Variants in HIVEP1 observed in about 807,000 individuals in gnomAD.
HIVEP1 encodes the protein HIVEP zinc finger 1.
A neutral mutation model predicts 180.0 loss-of-function variants in HIVEP1; 36 were observed. The observed-to-expected ratio is 0.20, with a 90% CI of 0.15 to 0.26. The LOEUF is 0.26. HIVEP1 is among the 10% of genes least tolerant of loss of function. HIVEP1 has a pLI of 1.00. For missense variants in HIVEP1, 3,143 were observed against 3,268.7 expected (o/e 0.96, Z 0.94); for synonymous variants, 1,239 against 1,239.0 (o/e 1.00, Z 0.00).
chr6:12,168,360 T>TA (rs1562025065), downstream of HIVEP1, among the ~76,000 whole-genome samples: 3 of 103,556 alleles, frequency 2.9e-5, no homozygotes, highest in African/African-American at 3.6e-5. Context: ...TATGTATATA[T>TA]TATATACATA....
At chr6:12,013,027 C>T (rs1286526808) in intron 1 of HIVEP1, among the ~76,000 whole-genome samples, 1 of 151,758 alleles carries the variant, frequency 6.6e-6, no homozygotes, top group African/African-American at 2.4e-5. Context: ...GGGTGCGGGT[C>T]GGCTCGGGCT....
At chr6:12,057,023 T>A (rs1401171087) in intron 2 of HIVEP1, among the ~76,000 whole-genome samples, 2 of 152,090 alleles carry the variant, frequency 1.3e-5, no homozygotes, top group Non-Finnish European at 2.9e-5. Flanking sequence ...TCTTTTTTGG[T>A]AGAGATGGTG....
intron 2 of HIVEP1, among the ~76,000 whole-genome samples, chr6:12,048,984 G>C (rs1424153604): frequency 6.6e-6 from 1 of 152,154 alleles, no homozygotes; most frequent in Non-Finnish European, 1.5e-5. Flanking sequence ...GTTACTCATT[G>C]GGCATTATGA....
chr6:12,096,450 C>T (rs997096072), intron 3 of HIVEP1, among the ~76,000 whole-genome samples: 1 of 151,600 alleles, frequency 6.6e-6, no homozygotes, highest in Non-Finnish European at 1.5e-5. Flanking sequence ...GAGAGTGGCT[C>T]CATTGGATCA....
At chr6:12,043,830 A>G (rs930791009) in intron 2 of HIVEP1, among the ~76,000 whole-genome samples, 3 of 151,990 alleles carry the variant, frequency 2.0e-5, no homozygotes, top group Non-Finnish European at 4.4e-5. Context: ...ATGTCTAGAG[A>G]CTGTCTGGGT....
intron 4 of HIVEP1, among the ~76,000 whole-genome samples, chr6:12,129,073 G>A (rs1265258726): frequency 6.6e-6 from 1 of 152,082 alleles, no homozygotes; most frequent in Non-Finnish European, 1.5e-5. Flanking sequence ...AGCCAGGTGT[G>A]GTGGCTCAGG....
Position 12,161,755 on chromosome 6 carries a change from T to C in HIVEP1, c.6804T>C (p.Asn2268=). The C allele has an allele frequency of 6.2e-7, 1 of 1,613,990 alleles. No individual in the cohort carries two copies. Among genetic ancestry groups the C allele is most frequent in the Non-Finnish European group, 8.5e-7 (1 of 1,179,988 alleles). Residue 2268 remains asparagine (N), a synonymous_variant, in exon 8 of 9, where the codon AAT becomes AAC. Transcript: ENST00000379388. The part of the protein sequence containing the change: ...TVLSTAQSDY[N]RKTLSPGKAR... ...TGAGCACAGCACAGTCTGACTACAA[T>C]AGGAAGACACTCTCTCCGGGGAAGG... is the stretch of plus-strand genomic sequence containing the variant.
At chr6:12,144,794 A>G (rs1759268092) in intron 7 of HIVEP1, among the ~76,000 whole-genome samples, 1 of 152,258 alleles carries the variant, frequency 6.6e-6, no homozygotes, top group African/African-American at 2.4e-5. Flanking sequence ...TGGTCATCAG[A>G]GAAATGCAAA....
intron 2 of HIVEP1, among the ~76,000 whole-genome samples, chr6:12,055,240 C>A (rs577521919): frequency 8.9e-4 from 135 of 152,280 alleles, no homozygotes; most frequent in African/African-American, 3.2e-3. Context: ...TTTGGGAGGC[C>A]AAGGCGGACG....
chr6:12,109,131 C>T (rs1260419055), intron 3 of HIVEP1, among the ~76,000 whole-genome samples: 2 of 151,354 alleles, frequency 1.3e-5, no homozygotes, highest in Non-Finnish European at 1.5e-5. Flanking sequence ...AGGCGCCTGC[C>T]ACCACGCCCG....
chr6:12,049,444 G>T (rs141485670), intron 2 of HIVEP1, among the ~76,000 whole-genome samples: 1 of 152,086 alleles, frequency 6.6e-6, no homozygotes, highest in Non-Finnish European at 1.5e-5. Flanking sequence ...TTCTGTGTTC[G>T]GCAGAGTGTG....
At chr6:12,030,678 A>G (rs550410035) in intron 2 of HIVEP1, among the ~76,000 whole-genome samples, 1 of 152,246 alleles carries the variant, frequency 6.6e-6, no homozygotes, top group Non-Finnish European at 1.5e-5. Context: ...TGTTGTTATA[A>G]TCATACTTTA....
intron 1 of HIVEP1, among the ~76,000 whole-genome samples, chr6:12,013,849 A>T (rs1046573914): frequency 6.6e-6 from 1 of 152,208 alleles, no homozygotes; most frequent in Non-Finnish European, 1.5e-5. Context: ...TTTACCATGT[A>T]GTTAAAAATT....
downstream of HIVEP1, among the ~76,000 whole-genome samples, chr6:12,167,581 C>CATGTTATATTACATGTATATATACAG (rs55679474): frequency 1.5e-5 from 1 of 64,892 alleles, no homozygotes; most frequent in African/African-American, 1.0e-4. Flanking sequence ...GTTATATATA[C>CATGTTATATTACATGTATATATACAG]GTTATATTAC....
rs757427387 is a variant in HIVEP1, at chr6:12,125,844, A to G, written c.6049A>G (p.Ser2017Gly). ...HSKSDLLVYS[S>G]KWKSSLSKRA... is the part of the protein sequence containing the mutation. ...CAAGTCAGACTTATTGGTCTATTCA[A>G]GCAAGTGGAAAAGCAGCTTAAGCAA... Residue 2017 changes from serine (S) to glycine (G), a missense_variant, in exon 4 of 9, where the codon AGC (serine) becomes GGC (glycine). Transcript: ENST00000379388. 5.6e-6 allele frequency: 9 copies of G among 1,605,168 alleles called. No homozygotes were observed. The highest frequency in any genetic ancestry group is 7.7e-6 in the Non-Finnish European group (9 of 1,176,028).
At chr6:12,053,240 T>G (rs1770650699) in intron 2 of HIVEP1, among the ~76,000 whole-genome samples, 1 of 152,222 alleles carries the variant, frequency 6.6e-6, no homozygotes, top group South Asian at 2.1e-4. Flanking sequence ...TGTGTGTGTG[T>G]CTGTGTGTGT....
At chr6:12,205,190 G>A in the HIVEP1 span, among the ~76,000 whole-genome samples, 26 of 152,238 alleles carry the variant, frequency 1.7e-4, no homozygotes, top group South Asian at 3.9e-3. Context: ...TGAACAAAGC[G>A]GCTGGGCGCG....
At chr6:12,028,263 G>A (rs1041428865) in intron 2 of HIVEP1, among the ~76,000 whole-genome samples, 7 of 152,138 alleles carry the variant, frequency 4.6e-5, no homozygotes, top group East Asian at 1.9e-4. Context: ...TCTGTGGCCC[G>A]GCTCTGAGGT....
At position 12,063,577 on chromosome 6, in the gene HIVEP1, CAA is replaced by C. The variant is rs1459959729; in HGVS notation, c.41-25605_41-25604del. Among the ~76,000 whole-genome samples, 1 of 151,888 alleles carries C rather than the reference CAA, an allele frequency of 6.6e-6. No individual in the cohort carries two copies. The highest frequency in any genetic ancestry group is 1.5e-5 in the Non-Finnish European group (1 of 67,986). ...GGAGCAGATGCCATGCAGAGGACTG[CAA>C]AGAGGCAGAGGCAGATGTCTTGGGG... On this transcript the variant is annotated intron_variant, in intron 2 of 8. Coordinates refer to ENST00000379388, the MANE Select transcript of HIVEP1 (RefSeq NM_002114.4). This position sits in a 1 kb window ranked among gnomAD's most constrained non-coding sequence, Gnocchi z 4.2.
Sources: allele counts gnomAD v4.1 joint callset (sites outside exome capture counted in the v4.1 genomes callset), GRCh38; gene constraint gnomAD v4.1.1; non-coding constraint Gnocchi (gnomAD v3.1); transcripts MANE v1.5; gene names NCBI Gene and HGNC (gene_info 2026-07-23, HGNC 2026-07-21).